The following LDLRAD4 variants were observed in gnomAD, a reference collection of about 807,000 sequenced individuals.
LDLRAD4 encodes the protein low-density lipoprotein receptor class A domain-containing protein 4.
LDLRAD4 carries 5 observed loss-of-function variants against 17.0 expected under a neutral mutation model. The ratio of observed to expected loss-of-function variants is 0.29; its 90% confidence interval spans 0.15 to 0.62. LDLRAD4 has a LOEUF of 0.62. LDLRAD4 is among the 20% of genes least tolerant of loss of function. The probability of loss-of-function intolerance (pLI) is 0.84; values close to 1 mark genes in which losing one functional copy is unlikely to be tolerated. For synonymous variants in LDLRAD4, 168 were observed against 171.8 expected (o/e 0.98, Z 0.17); for missense variants, 340 against 424.7 (o/e 0.80, Z 1.75).
At chr18:13,218,295 G>T (rs2041261743), upstream of LDLRAD4, among the ~76,000 whole-genome samples, 1 of 152,186 alleles carries the variant, frequency 6.6e-6, no homozygotes, top group African/African-American at 2.4e-5. Flanking sequence ...GGTCCGGGTG[G>T]GCTTGCCGGT....
At position 13,398,006 on chromosome 18, in the gene LDLRAD4, C is replaced by T. The variant is rs551964337; in HGVS notation, c.40+10244C>T. On this transcript the variant is annotated intron_variant, in intron 2 of 5. Coordinates refer to ENST00000359446, the Ensembl canonical transcript of LDLRAD4. The surrounding 1 kb of genome is among the most constrained non-coding windows in gnomAD (Gnocchi z 4.8). ...CTGAGACAGCCCCAGGAGGTGTGGG[C>T]GTGATCCGAGTTTGTGGCTCAGGAT... 1.4e-4 allele frequency among the ~76,000 whole-genome samples: 21 copies of T among 152,286 alleles called. No individual in the cohort carries two copies. Among genetic ancestry groups the T allele is most frequent in the Admixed American group, 1.3e-4 (2 of 15,300 alleles).
intron 2 of LDLRAD4, among the ~76,000 whole-genome samples, chr18:13,431,489 A>G (rs2090331212): frequency 6.6e-6 from 1 of 152,184 alleles, no homozygotes; most frequent in Admixed American, 6.5e-5. Flanking sequence ...GTTTTGATGG[A>G]AAGTTGGGTG....
chr18:13,294,393 C>T (rs1262859705), intron 1 of LDLRAD4, among the ~76,000 whole-genome samples: 2 of 152,180 alleles, frequency 1.3e-5, no homozygotes, highest in Non-Finnish European at 2.9e-5. Context: ...AATCACTCGA[C>T]CTGAATGCAT....
In LDLRAD4 at chr18:13,472,119, C is replaced by T. The variant is rs566322758; in HGVS notation, c.181+33735C>T. ...ACCCCCTCCCCAGACCGAGGGTGGA[C>T]GGGCCTGGCCGTCAGGGAAGGCCTC... On this transcript the variant is annotated intron_variant, in intron 3 of 5. Coordinates refer to ENST00000359446, the Ensembl canonical transcript of LDLRAD4. 47 of 152,330 alleles carry T rather than the reference C, an allele frequency of 3.1e-4. 1 individual carries two copies. The Middle Eastern group carries it at 0.014, about 44-fold the overall frequency. 9.4% of individuals were successfully genotyped at this position (152,330 alleles called of 1,614,324 possible).
intron 3 of LDLRAD4, among the ~76,000 whole-genome samples, chr18:13,504,801 T>C (rs1389518617): frequency 6.6e-6 from 1 of 152,250 alleles, no homozygotes; most frequent in African/African-American, 2.4e-5. Context: ...CTGCCAGCTG[T>C]TGGTTGATAA....
intron 2 of LDLRAD4, among the ~76,000 whole-genome samples, chr18:13,406,297 G>A (rs915360002): frequency 5.9e-5 from 9 of 152,190 alleles, no homozygotes; most frequent in African/African-American, 2.2e-4. Flanking sequence ...GGAACACATG[G>A]TGCCAAGGTG....
At chr18:13,473,636 C>CATTCATAT (rs1555701379) in intron 3 of LDLRAD4, among the ~76,000 whole-genome samples, 4 of 28,756 alleles carry the variant, frequency 1.4e-4, no homozygotes, top group African/African-American at 6.7e-4. Flanking sequence ...GATCCCATCT[C>CATTCATAT]ATATATATAT....
intron 3 of LDLRAD4, among the ~76,000 whole-genome samples, chr18:13,481,850 T>A (rs909517955): frequency 3.2e-5 from 3 of 92,820 alleles, no homozygotes; most frequent in African/African-American, 1.2e-4. Flanking sequence ...TTAGAAAAGA[T>A]CTCCTGGAGG....
intron 1 of LDLRAD4, among the ~76,000 whole-genome samples, chr18:13,317,530 A>G (rs1159732968): frequency 6.6e-6 from 1 of 152,236 alleles, no homozygotes; most frequent in Non-Finnish European, 1.5e-5. Flanking sequence ...TCTTTTTAAT[A>G]AATTGAACAA....
chr18:13,537,656 G>T, intron 3 of LDLRAD4, among the ~76,000 whole-genome samples: 1 of 152,224 alleles, frequency 6.6e-6, no homozygotes, highest in South Asian at 2.1e-4. Context: ...GACCCCTGCC[G>T]TACAGTATAG....
At chr18:13,592,648 C>A (rs2095043716) in intron 3 of LDLRAD4, among the ~76,000 whole-genome samples, 1 of 152,182 alleles carries the variant, frequency 6.6e-6, no homozygotes, top group Non-Finnish European at 1.5e-5. Context: ...TAAGGACAAA[C>A]CTTTCACAAT....
intron 3 of LDLRAD4, among the ~76,000 whole-genome samples, chr18:13,562,383 T>C (rs994408735): frequency 9.9e-5 from 15 of 152,218 alleles, no homozygotes; most frequent in Admixed American, 7.2e-4. Flanking sequence ...GTTTCTCCAC[T>C]CCCTTAACTA....
rs772147559 is a variant in LDLRAD4, at chr18:13,223,531, C to T, written c.-467+4543C>T. ...ACAGCCAGGCATTGTTCTCGGAGTCCGTGGCCCCAGGGGCCAGCAACCTGT... is the reference window on the plus strand; with the variant it reads ...ACAGCCAGGCATTGTTCTCGGAGTCTGTGGCCCCAGGGGCCAGCAACCTGT... On this transcript the variant is annotated intron_variant, in intron 1 of 5. Transcript: ENST00000399848. Among the ~76,000 whole-genome samples the T allele has an allele frequency of 9.2e-5, 14 of 152,160 alleles. 1 individual carries two copies. The highest frequency in any genetic ancestry group is 8.5e-4 in the Admixed American group (13 of 15,274).
intron 1 of LDLRAD4, among the ~76,000 whole-genome samples, chr18:13,319,030 C>T (rs2081080488): frequency 6.6e-6 from 1 of 152,180 alleles, no homozygotes; most frequent in Admixed American, 6.5e-5. Flanking sequence ...GAACTCAGGG[C>T]CTGCTACGTC....
chr18:13,481,547 C>G (rs1047958995), intron 3 of LDLRAD4, among the ~76,000 whole-genome samples: 1 of 152,200 alleles, frequency 6.6e-6, no homozygotes, highest in African/African-American at 2.4e-5. Context: ...TGACCACCAC[C>G]CAAGACTGGG....
chr18:13,421,495 A>G (rs1441596719), intron 2 of LDLRAD4, among the ~76,000 whole-genome samples: 2 of 152,068 alleles, frequency 1.3e-5, no homozygotes, highest in Non-Finnish European at 2.9e-5. Flanking sequence ...CTCTAAGGTC[A>G]TGGCAAAGAG....
chr18:13,308,668 G>A (rs760614067), intron 1 of LDLRAD4, among the ~76,000 whole-genome samples: 21 of 152,234 alleles, frequency 1.4e-4, no homozygotes, highest in Admixed American at 2.6e-4. Context: ...GGGAGGCTGC[G>A]CGTGTTTCAC....
intron 3 of LDLRAD4, chr18:13,612,809 G>A (rs1297308728): frequency 6.2e-7 from 1 of 1,612,772 alleles, no homozygotes; most frequent in Non-Finnish European, 8.5e-7. Flanking sequence ...GATGATGCAT[G>A]CTCTTTCGGG....
intron 3 of LDLRAD4, among the ~76,000 whole-genome samples, chr18:13,536,151 A>T (rs1263384650): frequency 6.6e-6 from 1 of 152,142 alleles, no homozygotes; most frequent in Non-Finnish European, 1.5e-5. Context: ...AGAAATTTTC[A>T]ATTTAGTTTG....
Sources: gnomAD v4.1 joint callset for allele counts (sites outside exome capture counted in the v4.1 genomes callset) on GRCh38, gnomAD v4.1.1 for gene constraint, Gnocchi (gnomAD v3.1) non-coding constraint, MANE v1.5 for transcripts, NCBI Gene and HGNC (gene_info 2026-07-23, HGNC 2026-07-21) for gene names.